The following TFRC variants were observed in gnomAD, a reference collection of about 807,000 sequenced individuals.
TFRC encodes transferrin receptor protein 1.
In TFRC, 35 loss-of-function variants were observed where a neutral mutation model predicts 85.8. That is an observed-to-expected ratio of 0.41 (90% confidence interval 0.31 to 0.54). The LOEUF (loss-of-function observed/expected upper bound fraction) is 0.54. TFRC is among the 20% of genes least tolerant of loss of function. The pLI, the probability that TFRC is intolerant of heterozygous loss-of-function variation, is 0.31. For missense variants in TFRC, 828 were observed against 921.5 expected, an observed-to-expected ratio of 0.90 and a Z score of 1.31; for synonymous variants, 362 against 328.6, an observed-to-expected ratio of 1.10 and a Z score of -1.10.
intron 13 of TFRC, 55 bp from the exon 14 acceptor site, chr3:196,060,302 T>G: frequency 1.4e-6 from 2 of 1,419,116 alleles, no homozygotes; most frequent in Non-Finnish European, 2.0e-6. Flanking sequence ...ATTTTCACAC[T>G]GCTACTTCTA....
At chr3:196,055,379 G>A in intron 16 of TFRC, 78 bp from the exon 17 acceptor site, 2 of 1,263,252 alleles carry the variant, frequency 1.6e-6, no homozygotes, top group Non-Finnish European at 2.3e-6. Context: ...CGCCATCGAG[G>A]TAACAGTGAC....
chr3:196,080,098 T>G (rs1036777627), intron 1 of TFRC, among the ~76,000 whole-genome samples: 5 of 152,202 alleles, frequency 3.3e-5, no homozygotes, highest in Non-Finnish European at 5.9e-5. Flanking sequence ...TCTGGTTTAG[T>G]AGGGAGTTTT....
Position 196,051,831 on chromosome 3 carries a change from G to C in TFRC, c.*111C>G. On this transcript the variant is annotated 3_prime_UTR_variant, in exon 19 of 19. Transcript: ENST00000360110. ...ACATCTAGTAGTACCAAGATGATGG[G>C]ATGGAATTTTAACATCAGGTTTTGT... 7.6e-7 allele frequency: 1 copy of C among 1,313,824 alleles called. No individual in the cohort carries two copies. Among genetic ancestry groups the C allele is most frequent in the Non-Finnish European group, 1.1e-6 (1 of 949,768 alleles). The allele number at this position is 1,313,824 out of a possible 1,614,324, so 81.4% of individuals were successfully genotyped here. A position where few individuals can be genotyped will look rare whatever the true frequency, so the allele number is the denominator to read the frequency against.
At position 196,075,672 on chromosome 3, in the gene TFRC, C is replaced by T. The variant is rs1718626106; in HGVS notation, c.37-312G>A. Among the ~76,000 whole-genome samples, 3 of 152,056 alleles carry T rather than the reference C, an allele frequency of 2.0e-5. No homozygotes were observed. In the South Asian group the frequency reaches 6.2e-4, roughly 32 times the overall value. On this transcript the variant is annotated intron_variant, in intron 2 of 18. Coordinates refer to ENST00000360110, the MANE Select transcript of TFRC (RefSeq NM_001128148.3). ...TCAAAATCCTGGGCTCTACTGATTC[C>T]CCCACCTCAGCCTCCTGAGTAGCTG...
chr3:196,063,055 T>A, intron 11 of TFRC, 116 bp from the exon 12 acceptor site: 2 of 676,048 alleles, frequency 3.0e-6, no homozygotes, highest in Non-Finnish European at 4.6e-6. Flanking sequence ...GATTCCAAAA[T>A]CTTTTTTTTC....
chr3:196,061,473 C>G (rs1392136387), intron 13 of TFRC, among the ~76,000 whole-genome samples: 1 of 149,206 alleles, frequency 6.7e-6, no homozygotes, highest in Non-Finnish European at 1.5e-5. Context: ...CAAGGGTTGC[C>G]AAAAAAAAAG....
At position 196,075,378 on chromosome 3, in the gene TFRC, G is replaced by A; in HGVS notation, c.37-18C>T. On this transcript the variant is annotated intron_variant, in intron 2 of 18. Coordinates refer to ENST00000360110, the MANE Select transcript of TFRC (RefSeq NM_001128148.3). Reference sequence around the variant, plus strand: ...CCACCAAACTGTGTTGCGGAAAAAGGCATGATGAAGAACAGGCACGGGAAT... The same window carrying A: ...CCACCAAACTGTGTTGCGGAAAAAGACATGATGAAGAACAGGCACGGGAAT... 2 of 1,613,454 alleles carry A rather than the reference G, an allele frequency of 1.2e-6. No individual in the cohort carries two copies. The highest frequency in any genetic ancestry group is 2.7e-5 in the African/African-American group (2 of 74,996).
At position 196,051,817 on chromosome 3, in the gene TFRC, T is replaced by G; in HGVS notation, c.*125A>C. ...GCTGCTGCCTAAAGACATCTAGTAG[T>G]ACCAAGATGATGGGATGGAATTTTA... On this transcript the variant is annotated 3_prime_UTR_variant, in exon 19 of 19. Transcript: ENST00000360110. The G allele has an allele frequency of 8.6e-7, 1 of 1,160,470 alleles. No individual in the cohort carries two copies. 71.9% of individuals were successfully genotyped at this position (1,160,470 alleles called of 1,614,324 possible). A position where few individuals can be genotyped will look rare whatever the true frequency, so the allele number is the denominator to read the frequency against.
At chr3:196,066,557 A>G (rs1717758752) in intron 9 of TFRC, among the ~76,000 whole-genome samples, 1 of 152,192 alleles carries the variant, frequency 6.6e-6, no homozygotes, top group Non-Finnish European at 1.5e-5. Context: ...TTGAAACATT[A>G]TTACTCCCCT....
chr3:196,064,224 C>A, intron 11 of TFRC, 85 bp downstream of exon 11: 1 of 1,366,228 alleles, frequency 7.3e-7, no homozygotes, highest in Admixed American at 2.7e-5. Context: ...CACAGGAATG[C>A]AGGCAAAGTG....
rs41298045 is a variant in TFRC at position 196,054,846 on chromosome 3, C to G, written c.1899+234G>C. Among the ~76,000 whole-genome samples the G allele has an allele frequency of 4.4e-3, 670 of 152,304 alleles. 10 individuals are homozygous for G. Among genetic ancestry groups the G allele is most frequent in the African/African-American group, 0.015 (633 of 41,566 alleles). On this transcript the variant is annotated intron_variant, in intron 17 of 18. Coordinates refer to ENST00000360110, the MANE Select transcript of TFRC (RefSeq NM_001128148.3). The stretch of plus-strand genomic sequence containing the variant: ...CTGGGAGACATGAGTGACAGAAAAC[C>G]TGACACTGCTCTGGATTCTGAAACA...
At chr3:196,064,987 G>A (rs1717593000) in intron 10 of TFRC, among the ~76,000 whole-genome samples, 1 of 152,206 alleles carries the variant, frequency 6.6e-6, no homozygotes, top group Admixed American at 6.5e-5. Context: ...GCTGGGCGCG[G>A]TGGCTCATGC....
chr3:196,065,717 C>T (rs1198739287), intron 9 of TFRC, 117 bp from the exon 10 acceptor site: 15 of 1,142,886 alleles, frequency 1.3e-5, no homozygotes, highest in South Asian at 1.0e-4. Flanking sequence ...CTCAGCCCGG[C>T]GAAGTGGCTC....
Position 196,075,332 on chromosome 3 carries a change from C to A in TFRC, c.65G>T (p.Arg22Leu). The A allele has an allele frequency of 6.2e-7, 1 of 1,614,056 alleles. No homozygotes were observed. Among genetic ancestry groups the A allele is most frequent in the Non-Finnish European group, 8.5e-7 (1 of 1,180,014 alleles). Residue 22 changes from arginine (R) to leucine (L), a missense_variant, in exon 3 of 19, where the codon CGG becomes CTG. Physicochemically the swap from Arg to Leu is moderately radical, Grantham distance 102 (BLOSUM62 -2). Transcript: ENST00000360110. ...LFGGEPLSYT[R>L]FSLARQVDGD... is the part of the protein sequence containing the mutation. ...ATCTACTTGCCGAGCCAGGCTGAAC[C>A]GGGTATATGACAATGGTTCTCCACC... is the stretch of plus-strand genomic sequence containing the variant.
rs141165322 is a variant in TFRC, at chr3:196,051,968, C to T, written c.2257G>A (p.Val753Ile). The T allele has an allele frequency of 1.2e-4, 199 of 1,614,162 alleles. No homozygotes were observed. The highest frequency in any genetic ancestry group is 8.4e-5 in the Non-Finnish European group (99 of 1,180,024). Reference protein sequence around the residue: ...QGAANALSGDVWDIDNEF With the variant: ...QGAANALSGDIWDIDNEF ...TAAAACTCATTGTCAATGTCCCAAA[C>T]GTCACCAGAGAGGGCATTTGCAGCT... Residue 753 changes from valine to isoleucine, a missense_variant, in exon 19 of 19, where the codon GTT (valine) becomes ATT (isoleucine). Transcript: ENST00000360110.
Position 196,064,361 on chromosome 3 carries a change from G to A in TFRC, c.1266C>T (p.Gly422=). 6.2e-7 allele frequency: 1 copy of A among 1,613,814 alleles called. No individual in the cohort carries two copies. Among genetic ancestry groups the A allele is most frequent in the Non-Finnish European group, 8.5e-7 (1 of 1,179,914 alleles). The change falls in exon 11 of 19, where the codon GGC becomes GGT. Residue 422 remains glycine (G), a synonymous_variant. Coordinates refer to ENST00000360110, the MANE Select transcript of TFRC (RefSeq NM_001128148.3). The part of the protein sequence containing the change: ...WGPGAAKSGV[G]TALLLKLAQM... ...GGGCAAGTTTCAATAGGAGAGCTGT[G>A]CCTACACCGGATTTTGCAGCTCCAG...
chr3:196,061,665 T>A (rs1374775186), intron 13 of TFRC, among the ~76,000 whole-genome samples: 1 of 152,154 alleles, frequency 6.6e-6, no homozygotes, highest in African/African-American at 2.4e-5. Context: ...AATTTTGGTA[T>A]TTTTAGTAGA....
rs746712619 is a variant in TFRC at position 196,072,067 on chromosome 3, G to A, written c.520C>T (p.Arg174Cys). The change falls in exon 5 of 19, where the codon CGT becomes TGT. Residue 174 changes from arginine to cysteine, a missense_variant. Arg to Cys is a radical substitution (Grantham distance 180). Transcript: ENST00000360110. ...CAGACTTTGCTGAGTTTAAATTCAC[G>A]AAATTGATTTTCAACATACAACGCA... ...NLALYVENQF[R>C]EFKLSKVWRD... The A allele has an allele frequency of 5.6e-6, 9 of 1,613,992 alleles. No individual in the cohort carries two copies. In the Admixed American group the frequency reaches 1.0e-4, roughly 18 times the overall value.
intron 2 of TFRC, among the ~76,000 whole-genome samples, chr3:196,076,809 T>G (rs964623457): frequency 1.3e-5 from 2 of 152,160 alleles, no homozygotes; most frequent in African/African-American, 4.8e-5. Context: ...AGGGCTTTAA[T>G]TCGTCTTATC....
Sources: allele counts gnomAD v4.1 joint callset (sites outside exome capture counted in the v4.1 genomes callset), GRCh38; gene constraint gnomAD v4.1.1; transcripts MANE v1.5; gene names NCBI Gene and HGNC (gene_info 2026-07-23, HGNC 2026-07-21).